Variants in NEXMIF observed in about 807,000 individuals in gnomAD.
NEXMIF encodes XLMR protein related to neurite extension.
A neutral mutation model predicts 62.1 loss-of-function variants in NEXMIF; 8 were observed. The observed-to-expected ratio is 0.13, with a 90% CI of 0.08 to 0.23. The LOEUF (loss-of-function observed/expected upper bound fraction) is 0.23. Ranked by LOEUF, NEXMIF falls within the 10% of genes least tolerant of loss-of-function variation. The pLI is 1.00. For synonymous variants in NEXMIF, 404 were observed against 416.6 expected (o/e 0.97, Z 0.37); for missense variants, 976 against 1,113.3 (o/e 0.88, Z 1.75).
chrX:74,765,401 A>C (rs2080191612), intron 1 of NEXMIF, among the ~76,000 whole-genome samples: 1 of 111,570 alleles, frequency 9.0e-6, no homozygotes, highest in African/African-American at 3.3e-5. Flanking sequence ...GTGCTTTTTA[A>C]ATGAGGCATT....
intron 1 of NEXMIF, among the ~76,000 whole-genome samples, chrX:74,759,786 T>C (rs149480322): frequency 7.1e-5 from 8 of 112,090 alleles, no homozygotes; most frequent in Non-Finnish European, 1.5e-4. Flanking sequence ...TTTTGGTTAC[T>C]ATATCCCTGT....
intron 1 of NEXMIF, among the ~76,000 whole-genome samples, chrX:74,790,293 C>T (rs1375422686): frequency 9.0e-5 from 10 of 110,669 alleles, no homozygotes; most frequent in East Asian, 2.8e-4. Context: ...TGTAGATATG[C>T]GGCGTTATTT....
chrX:74,905,300 G>C (rs1183425528), intron 1 of NEXMIF, among the ~76,000 whole-genome samples: 2 of 111,140 alleles, frequency 1.8e-5, no homozygotes, highest in African/African-American at 3.3e-5. Context: ...GAAGAGGGGA[G>C]AGGAGAGACA....
At chrX:74,754,806 T>C (rs555699481) in intron 1 of NEXMIF, among the ~76,000 whole-genome samples, 1 of 111,387 alleles carries the variant, frequency 9.0e-6, no homozygotes, top group South Asian at 3.8e-4. Context: ...TATTTTTAGG[T>C]AAGTACACAA....
intron 1 of NEXMIF, among the ~76,000 whole-genome samples, chrX:74,801,769 A>G (rs767946687): frequency 2.1e-4 from 24 of 112,524 alleles, no homozygotes; most frequent in East Asian, 1.4e-3. Context: ...AGGGTCCCCA[A>G]TTACAGGCTC....
intron 1 of NEXMIF, among the ~76,000 whole-genome samples, chrX:74,903,880 CGTGTGTGTGT>C (rs3222701): frequency 0.016 from 1,508 of 94,179 alleles, 26 homozygotes; most frequent in African/African-American, 0.05. Flanking sequence ...CAATTCTAAT[CGTGTGTGTGT>C]GTGTGTGTGT....
intron 1 of NEXMIF, among the ~76,000 whole-genome samples, chrX:74,814,864 C>A (rs1205433830): frequency 8.9e-6 from 1 of 111,905 alleles, no homozygotes; most frequent in Non-Finnish European, 1.9e-5. Context: ...AGCTCTGGGA[C>A]TAGCTTGGCA....
At chrX:74,914,933 C>A (rs1186487237) in intron 1 of NEXMIF, among the ~76,000 whole-genome samples, 2 of 111,644 alleles carry the variant, frequency 1.8e-5, no homozygotes, top group East Asian at 5.6e-4. Context: ...AAAAGCCAAC[C>A]CCCAAAAGTC....
chrX:74,775,510 T>C (rs1182575795), intron 1 of NEXMIF, among the ~76,000 whole-genome samples: 1 of 112,264 alleles, frequency 8.9e-6, no homozygotes, highest in East Asian at 2.8e-4. Context: ...GAGCCTGCTA[T>C]TTTGTTGATG....
At chrX:74,920,074 T>C (rs1409386275) in intron 1 of NEXMIF, among the ~76,000 whole-genome samples, 2 of 112,001 alleles carry the variant, frequency 1.8e-5, no homozygotes, top group Non-Finnish European at 3.8e-5. Context: ...TGAATAGTGC[T>C]GCAATAAACA....
intron 1 of NEXMIF, among the ~76,000 whole-genome samples, chrX:74,796,040 G>T (rs190816917): frequency 3.7e-4 from 34 of 92,881 alleles, no homozygotes; most frequent in Admixed American, 1.6e-3. Context: ...AGAAAGGAAG[G>T]CTAGAATGAA....
chrX:74,834,555 G>A (rs1427177586), intron 1 of NEXMIF, among the ~76,000 whole-genome samples: 1 of 111,517 alleles, frequency 9.0e-6, no homozygotes, highest in Non-Finnish European at 1.9e-5. Flanking sequence ...CATGCTTGAA[G>A]GATATTTTCA....
In NEXMIF at chrX:74,861,700, TAAAGA is replaced by T. The variant is rs757729262; in HGVS notation, c.-48+63178_-48+63182del. ...ATTGGGAGCTAATATTCAACATTCT[TAAAGA>T]AAAGAATTTCCAACCCAGAATTTCA... On this transcript the variant is annotated intron_variant, in intron 1 of 3. Coordinates refer to ENST00000055682, the MANE Select transcript of NEXMIF (RefSeq NM_001008537.3). 8.9e-5 allele frequency among the ~76,000 whole-genome samples: 10 copies of T among 111,819 alleles called. No homozygotes were observed. In the East Asian group the frequency reaches 2.5e-3, roughly 28 times the overall value.
intron 1 of NEXMIF, among the ~76,000 whole-genome samples, chrX:74,765,665 A>G (rs1045493946): frequency 2.7e-5 from 3 of 109,722 alleles, no homozygotes; most frequent in East Asian, 5.7e-4. Flanking sequence ...AAAGGACCTT[A>G]TTTCTCCTTT....
intron 1 of NEXMIF, among the ~76,000 whole-genome samples, chrX:74,858,389 G>A (rs1199468666): frequency 8.9e-6 from 1 of 112,310 alleles, no homozygotes; most frequent in Non-Finnish European, 1.9e-5. Flanking sequence ...TGGTAATGCA[G>A]ATAATTTCTG....
intron 1 of NEXMIF, among the ~76,000 whole-genome samples, chrX:74,749,340 C>T (rs747172316): frequency 1.2e-4 from 13 of 110,695 alleles, no homozygotes; most frequent in African/African-American, 4.3e-4. Context: ...AAGTCTCCCT[C>T]CCACTCCAGT....
At chrX:74,874,553 G>T (rs1369412906) in intron 1 of NEXMIF, among the ~76,000 whole-genome samples, 1 of 102,368 alleles carries the variant, frequency 9.8e-6, no homozygotes, top group Non-Finnish European at 2.0e-5. Context: ...GCTTGATGGG[G>T]ATGGCATTGA....
intron 1 of NEXMIF, among the ~76,000 whole-genome samples, chrX:74,808,651 C>A (rs1161121236): frequency 1.8e-5 from 2 of 112,043 alleles, no homozygotes; most frequent in Non-Finnish European, 3.8e-5. Flanking sequence ...GGTATAACTT[C>A]TTCGTTAAAA....
intron 1 of NEXMIF, among the ~76,000 whole-genome samples, chrX:74,807,504 C>G (rs898666608): frequency 9.1e-6 from 1 of 110,391 alleles, no homozygotes; most frequent in Non-Finnish European, 1.9e-5. Flanking sequence ...GCTTTGTCGC[C>G]TGGGCTGGAG....
Sources: allele counts gnomAD v4.1 joint callset (sites outside exome capture counted in the v4.1 genomes callset), GRCh38; gene constraint gnomAD v4.1.1; transcripts MANE v1.5; gene names NCBI Gene and HGNC (gene_info 2026-07-23, HGNC 2026-07-21).